ZMYND15: variants seen among roughly 807,000 people sequenced by gnomAD.
The protein encoded by ZMYND15 is zinc finger MYND domain-containing protein 15.
A neutral mutation model predicts 81.7 loss-of-function variants in ZMYND15; 54 were observed. The observed-to-expected ratio is 0.66, with a 90% CI of 0.53 to 0.83. The LOEUF (loss-of-function observed/expected upper bound fraction) is 0.83, where lower values mean the gene tolerates loss of function less well. ZMYND15 is among the 40% of genes least tolerant of loss of function. ZMYND15 has a pLI of 0.00. For synonymous variants in ZMYND15, 399 were observed against 387.0 expected (o/e 1.03, Z -0.36); for missense variants, 925 against 973.5 (o/e 0.95, Z 0.66).
At position 4,744,126 on chromosome 17, in the gene ZMYND15, G is replaced by C. The variant is rs1221191682; in HGVS notation, c.1495+19G>C. On this transcript the variant is annotated intron_variant, in intron 8 of 13. Coordinates refer to ENST00000433935, the MANE Select transcript of ZMYND15 (RefSeq NM_001136046.3). This position sits in a 1 kb window ranked among gnomAD's most constrained non-coding sequence, Gnocchi z 4.1. ...CAGTCCTGTAAGGAGAGCGGAGTGG[G>C]GGGTGGAGCAGGATGGGGGAGTGAG... The C allele has an allele frequency of 6.2e-7, 1 of 1,610,384 alleles. No individual in the cohort carries two copies. The highest frequency in any genetic ancestry group is 1.3e-5 in the African/African-American group (1 of 74,778).
At position 4,744,877 on chromosome 17, in the gene ZMYND15, C is replaced by T. The variant is rs1194941379; in HGVS notation, c.1845C>T (p.Asn615=). Reference sequence around the variant, plus strand: ...CCTCCTCTCTGTCTGCAGGATTTAACTCCGGGTTTGCTCTCAAGGATACGT... The same window carrying T: ...CCTCCTCTCTGTCTGCAGGATTTAATTCCGGGTTTGCTCTCAAGGATACGT... ...GPKPDLVIGF[N]SGFALKDTWL... is the part of the protein sequence containing the mutation. Residue 615 remains asparagine, a synonymous_variant, in exon 12 of 14, where the codon AAC becomes AAT. Coordinates refer to ENST00000433935, the MANE Select transcript of ZMYND15 (RefSeq NM_001136046.3). The surrounding 1 kb of genome is among the most constrained non-coding windows in gnomAD (Gnocchi z 4.1). 1 of 1,614,150 alleles carries T rather than the reference C, an allele frequency of 6.2e-7. No homozygotes were observed. Among genetic ancestry groups the T allele is most frequent in the Non-Finnish European group, 8.5e-7 (1 of 1,180,002 alleles).
intron 4 of ZMYND15, 93 bp from the exon 5 acceptor site, chr17:4,742,237 AC>A (rs1403084737): frequency 1.3e-6 from 2 of 1,553,738 alleles, no homozygotes; most frequent in Non-Finnish European, 1.8e-6. Flanking sequence ...AGACAAACAG[AC>A]CGAGTGACAT....
chr17:4,742,664 T>A (rs1030787539), intron 5 of ZMYND15, among the ~76,000 whole-genome samples, 173 bp downstream of exon 5: 1 of 152,138 alleles, frequency 6.6e-6, no homozygotes, highest in Non-Finnish European at 1.5e-5. Flanking sequence ...ACAGGGTCTC[T>A]GAAGCCGAGG....
In ZMYND15 at chr17:4,740,724, T is replaced by A; in HGVS notation, c.176T>A (p.Leu59His). 1.2e-6 allele frequency: 2 copies of A among 1,611,602 alleles called. No homozygotes were observed. Among genetic ancestry groups the A allele is most frequent in the Non-Finnish European group, 8.5e-7 (1 of 1,178,486 alleles). ...CCCCAGGACCCTGCCCTTTGGGTGC[T>A]CCATGTCCTGCCCAACCATAGTGTG... ...RLPQDPALWV[L>H]HVLPNHSVGI... is the part of the protein sequence containing the mutation. The change falls in exon 2 of 14, where the codon CTC becomes CAC. Residue 59 changes from leucine to histidine, a missense_variant. Leu to His is a moderately conservative substitution (Grantham distance 99). Transcript: ENST00000433935.
rs775955743 is a variant in ZMYND15, at chr17:4,741,782, C to G, written c.793C>G (p.Arg265Gly). 1.3e-6 allele frequency: 2 copies of G among 1,579,618 alleles called. No individual in the cohort carries two copies. The highest frequency in any genetic ancestry group is 1.2e-5 in the South Asian group (1 of 86,724). The stretch of plus-strand genomic sequence containing the variant: ...GGGCTCTGGGGATCCCCGAAAGCCC[C>G]GACAGCTTACTGTGGGAGATGCCCG... ...PMGSGDPRKP[R>G]QLTVGDARLH... Residue 265 changes from arginine (R) to glycine (G), a missense_variant, in exon 3 of 14, where the codon CGA (arginine) becomes GGA (glycine). Arg to Gly is a moderately radical substitution (Grantham distance 125, BLOSUM62 -2). Coordinates refer to ENST00000433935, the MANE Select transcript of ZMYND15 (RefSeq NM_001136046.3).
chr17:4,746,062 G>A lies in ZMYND15; in HGVS notation c.*72G>A. ...ACGTGAAAACACTCAAGGCCTAGGG[G>A]GAGGACAGGTTGGTAAAACATGAAA... is the stretch of plus-strand genomic sequence containing the variant. On this transcript the variant is annotated 3_prime_UTR_variant, in exon 14 of 14. Transcript: ENST00000433935. 7.5e-7 allele frequency: 1 copy of A among 1,340,062 alleles called. No individual in the cohort carries two copies. Among genetic ancestry groups the A allele is most frequent in the Non-Finnish European group, 9.7e-7 (1 of 1,035,216 alleles). The allele number at this position is 1,340,062 out of a possible 1,614,324, so 83.0% of individuals were successfully genotyped here.
At chr17:4,742,546 T>C (rs1307047896) in intron 5 of ZMYND15, 55 bp downstream of exon 5, 1 of 1,593,098 alleles carries the variant, frequency 6.3e-7, no homozygotes, top group East Asian at 2.2e-5. Context: ...TCTTTGAGAC[T>C]GGGAATTAGA....
In ZMYND15 at chr17:4,740,037, G is replaced by A; in HGVS notation, c.-44G>A. On this transcript the variant is annotated 5_prime_UTR_variant, in exon 1 of 14. An upstream open reading frame in the 5' UTR gains an earlier in-frame stop. Transcript: ENST00000433935. The stretch of plus-strand genomic sequence containing the variant: ...CGCGAGGTATTTACCTTCGAAAAGT[G>A]GTGGCGGCTGCAGGTACCGGAGGAG... 1.0e-6 allele frequency: 1 copy of A among 985,636 alleles called. No homozygotes were observed. Among genetic ancestry groups the A allele is most frequent in the Non-Finnish European group, 1.2e-6 (1 of 830,110 alleles). 61.1% of individuals were successfully genotyped at this position (985,636 alleles called of 1,614,324 possible). A position where few individuals can be genotyped will look rare whatever the true frequency, so the allele number is the denominator to read the frequency against.
At position 4,739,934 on chromosome 17, in the gene ZMYND15, C is replaced by G; in HGVS notation, c.-147C>G. 1 of 985,242 alleles carries G rather than the reference C, an allele frequency of 1.0e-6. No homozygotes were observed. Among genetic ancestry groups the G allele is most frequent in the Non-Finnish European group, 1.2e-6 (1 of 829,952 alleles). 61.0% of individuals were successfully genotyped at this position (985,242 alleles called of 1,614,324 possible). ...CAGCCACCCGCGGACGCACCGAGCC[C>G]GGGGGGCGTGGCCGCCCGCTGAGCC... On this transcript the variant is annotated 5_prime_UTR_variant, in exon 1 of 14. Transcript: ENST00000433935. The surrounding 1 kb of genome is among the most constrained non-coding windows in gnomAD (Gnocchi z 5.3).
In ZMYND15 at chr17:4,744,333, G is replaced by A. The variant is rs777751978; in HGVS notation, c.1585-36G>A. The A allele has an allele frequency of 2.5e-6, 4 of 1,613,978 alleles. No individual in the cohort carries two copies. The highest frequency in any genetic ancestry group is 4.5e-5 in the East Asian group (2 of 44,876). ...ATTTTGGTATGGGGGTGGGCACAGGGTAGACCCCAGATCTTTCTTTCTTTC... is the reference window on the plus strand; with the variant it reads ...ATTTTGGTATGGGGGTGGGCACAGGATAGACCCCAGATCTTTCTTTCTTTC... On this transcript the variant is annotated intron_variant, in intron 9 of 13. Coordinates refer to ENST00000433935, the MANE Select transcript of ZMYND15 (RefSeq NM_001136046.3). This position sits in a 1 kb window ranked among gnomAD's most constrained non-coding sequence, Gnocchi z 4.1.
chr17:4,741,079 C>G lies in ZMYND15; in HGVS notation c.531C>G (p.Gly177=). 1 of 1,543,648 alleles carries G rather than the reference C, an allele frequency of 6.5e-7. No homozygotes were observed. The highest frequency in any genetic ancestry group is 1.2e-5 in the South Asian group (1 of 82,956). ...AAREAGGGKD[G]CREDRVENET... is the part of the protein sequence containing the mutation. The stretch of plus-strand genomic sequence containing the variant: ...GGGAGGCAGGAGGTGGCAAGGATGG[C>G]TGCCGAGAGGACAGGGTGGAGAACG... The change falls in exon 2 of 14, where the codon GGC becomes GGG. Residue 177 remains glycine (G), a synonymous_variant. Coordinates refer to ENST00000433935, the MANE Select transcript of ZMYND15 (RefSeq NM_001136046.3).
Position 4,744,452 on chromosome 17 carries a change from T to A in ZMYND15, c.1668T>A (p.His556Gln). 6.2e-7 allele frequency: 1 copy of A among 1,613,996 alleles called. No individual in the cohort carries two copies. Among genetic ancestry groups the A allele is most frequent in the Non-Finnish European group, 8.5e-7 (1 of 1,179,992 alleles). ...DGLPPESDEQ[H>Q]FTLQRDSLEV... ...TGCCCCCCGAAAGCGACGAGCAGCATTTTACCCTGCAGAGGGTGAGGGCTG... is the reference window on the plus strand; with the variant it reads ...TGCCCCCCGAAAGCGACGAGCAGCAATTTACCCTGCAGAGGGTGAGGGCTG... Residue 556 changes from histidine to glutamine, a missense_variant, in exon 10 of 14, where the codon CAT (histidine) becomes CAA (glutamine). Physicochemically the swap from His to Gln is conservative, Grantham distance 24 (BLOSUM62 0). Transcript: ENST00000433935. This position sits in a 1 kb window ranked among gnomAD's most constrained non-coding sequence, Gnocchi z 4.1.
At chr17:4,742,834 A>T (rs1271279956) in intron 5 of ZMYND15, among the ~76,000 whole-genome samples, 1 of 152,156 alleles carries the variant, frequency 6.6e-6, no homozygotes, top group Admixed American at 6.5e-5. Context: ...GAGAAGGCCC[A>T]TGGAATTGTT....
At position 4,745,779 on chromosome 17, in the gene ZMYND15, C is replaced by G. The variant is rs965143378; in HGVS notation, c.2058-40C>G. 4.0e-6 allele frequency: 5 copies of G among 1,263,828 alleles called. No individual in the cohort carries two copies. Among genetic ancestry groups the G allele is most frequent in the Admixed American group, 2.3e-5 (1 of 43,120 alleles). The allele number at this position is 1,263,828 out of a possible 1,614,324, so 78.3% of individuals were successfully genotyped here. On this transcript the variant is annotated intron_variant, in intron 13 of 13. Transcript: ENST00000433935. The surrounding 1 kb of genome is among the most constrained non-coding windows in gnomAD (Gnocchi z 5.2). ...CCTGGGAGCGCCGACCCCTGGGAGT[C>G]CCGCCCCGTGGTCCCTGACTGCGCC...
Position 4,745,352 on chromosome 17 carries a change from AGCG to A in ZMYND15, c.2037_2039del (p.Ala680del), listed in dbSNP as rs772141500. Reference sequence around the variant, plus strand: ...CCTTCCGCTCCCCCTTTCGCCTCAGAGCGGCCGACAACTGCATGTCCTGGTAAG... The same window carrying A: ...CCTTCCGCTCCCCCTTTCGCCTCAGAGCCGACAACTGCATGTCCTGGTAAG... On this transcript the variant is annotated inframe_deletion, in exon 13 of 14. Coordinates refer to ENST00000433935, the MANE Select transcript of ZMYND15 (RefSeq NM_001136046.3). The surrounding 1 kb of genome is among the most constrained non-coding windows in gnomAD (Gnocchi z 5.2). 1.2e-5 allele frequency: 19 copies of A among 1,608,184 alleles called. No homozygotes were observed. Among genetic ancestry groups the A allele is most frequent in the African/African-American group, 2.7e-5 (2 of 74,544 alleles).
chr17:4,741,182 C>G (rs1916393443), intron 2 of ZMYND15, 42 bp downstream of exon 2: 5 of 1,396,822 alleles, frequency 3.6e-6, no homozygotes, highest in East Asian at 5.5e-5. Flanking sequence ...CTTGCCCAGC[C>G]ATCCTCCCTT....
chr17:4,746,005 G>A lies in ZMYND15; in HGVS notation c.*15G>A. On this transcript the variant is annotated 3_prime_UTR_variant, in exon 14 of 14. Transcript: ENST00000433935. The stretch of plus-strand genomic sequence containing the variant: ...GGCGGAAATGAATGCTGATACCCTA[G>A]TAGTCCCCAGCTCCCAAACACTGAA... 7.0e-7 allele frequency: 1 copy of A among 1,420,162 alleles called. No individual in the cohort carries two copies. The highest frequency in any genetic ancestry group is 1.6e-5 in the South Asian group (1 of 64,268). The allele number at this position is 1,420,162 out of a possible 1,614,324, so 88.0% of individuals were successfully genotyped here.
In ZMYND15 at chr17:4,744,386, C is replaced by T. The variant is rs1178718908; in HGVS notation, c.1602C>T (p.Leu534=). 2.5e-6 allele frequency: 4 copies of T among 1,614,082 alleles called. No individual in the cohort carries two copies. In the South Asian group the frequency reaches 3.3e-5, roughly 13 times the overall value. ...VMVFWELLVL[L]PHVALELQFV... ...TCCTTCAGGAGCTTTTGGTCCTGCTCCCCCATGTGGCCCTGGAGCTGCAGT... is the reference window on the plus strand; with the variant it reads ...TCCTTCAGGAGCTTTTGGTCCTGCTTCCCCATGTGGCCCTGGAGCTGCAGT... The change falls in exon 10 of 14, where the codon CTC becomes CTT. Residue 534 remains leucine, a synonymous_variant. Coordinates refer to ENST00000433935, the MANE Select transcript of ZMYND15 (RefSeq NM_001136046.3). This position sits in a 1 kb window ranked among gnomAD's most constrained non-coding sequence, Gnocchi z 4.1.
intron 2 of ZMYND15, 140 bp downstream of exon 2, chr17:4,741,280 T>G (rs920375525): frequency 6.1e-5 from 33 of 536,774 alleles, no homozygotes; most frequent in African/African-American, 3.1e-4. Context: ...CACAGTGGGG[T>G]TTTTTTTTTT....
Sources: allele counts gnomAD v4.1 joint callset (sites outside exome capture counted in the v4.1 genomes callset), GRCh38; gene constraint gnomAD v4.1.1; non-coding constraint Gnocchi (gnomAD v3.1); transcripts MANE v1.5; gene names NCBI Gene and HGNC (gene_info 2026-07-23, HGNC 2026-07-21).